AHCYL2: variants seen among roughly 807,000 people sequenced by gnomAD.
AHCYL2 encodes S-adenosylhomocysteine hydrolase-like protein 2.
A neutral mutation model predicts 81.4 loss-of-function variants in AHCYL2; 28 were observed. That is an observed-to-expected ratio of 0.34 (90% CI 0.25 to 0.47). AHCYL2 has a LOEUF of 0.47. Ranked by LOEUF, AHCYL2 falls within the 20% of genes least tolerant of loss-of-function variation. The pLI, the probability that AHCYL2 is intolerant of heterozygous loss-of-function variation, is 1.00. For missense variants in AHCYL2, 551 were observed against 785.1 expected (o/e 0.70, Z 3.56); for synonymous variants, 272 against 290.2 (o/e 0.94, Z 0.64).
intron 1 of AHCYL2, among the ~76,000 whole-genome samples, chr7:129,246,167 T>G (rs1018783707): frequency 2.0e-5 from 3 of 152,084 alleles, no homozygotes; most frequent in Admixed American, 2.0e-4. Flanking sequence ...CAAGTGATTC[T>G]CTTGCCTCAG....
chr7:129,352,433 A>C (rs913356312), intron 1 of AHCYL2, among the ~76,000 whole-genome samples: 2 of 152,016 alleles, frequency 1.3e-5, no homozygotes, highest in Non-Finnish European at 2.9e-5. Flanking sequence ...CTACCTATCT[A>C]TATATATACT....
chr7:129,286,569 T>C (rs1490474873), intron 1 of AHCYL2, among the ~76,000 whole-genome samples: 10 of 152,174 alleles, frequency 6.6e-5, no homozygotes, highest in Non-Finnish European at 2.9e-5. Flanking sequence ...CAAGTGATCC[T>C]CCTGCCTCAG....
chr7:129,395,348 C>T (rs780908952), intron 4 of AHCYL2, among the ~76,000 whole-genome samples: 5 of 152,190 alleles, frequency 3.3e-5, no homozygotes, highest in Non-Finnish European at 5.9e-5. Context: ...ATCTCTGGTG[C>T]AGTCTCAGTC....
rs139739420 is a variant in AHCYL2, at chr7:129,405,012, C to G, written c.1026-85C>G. Reference sequence around the variant, plus strand: ...TCTCATGGTCTCATGCCTACCCAATCAACGTATTTCTGGGGCCTCCTATGA... The same window carrying G: ...TCTCATGGTCTCATGCCTACCCAATGAACGTATTTCTGGGGCCTCCTATGA... On this transcript the variant is annotated intron_variant, in intron 7 of 16. Coordinates refer to ENST00000325006, the MANE Select transcript of AHCYL2 (RefSeq NM_015328.4). The G allele has an allele frequency of 2.1e-5, 16 of 769,760 alleles. No individual in the cohort carries two copies. The East Asian group carries it at 4.3e-4, about 21-fold the overall frequency. 47.7% of individuals were successfully genotyped at this position (769,760 alleles called of 1,614,324 possible).
chr7:129,262,032 T>A (rs1795660848), intron 1 of AHCYL2, among the ~76,000 whole-genome samples: 1 of 152,034 alleles, frequency 6.6e-6, no homozygotes, highest in South Asian at 2.1e-4. Context: ...GCATATAACA[T>A]CACTGAAAAA....
chr7:129,292,671 G>A (rs746127705), intron 1 of AHCYL2, among the ~76,000 whole-genome samples: 3 of 152,032 alleles, frequency 2.0e-5, no homozygotes, highest in Non-Finnish European at 2.9e-5. Flanking sequence ...GGAGGCTGAG[G>A]CAGGAGAATT....
At chr7:129,232,545 C>T (rs1284024755) in intron 1 of AHCYL2, among the ~76,000 whole-genome samples, 2 of 152,218 alleles carry the variant, frequency 1.3e-5, no homozygotes, top group African/African-American at 2.4e-5. Flanking sequence ...CTGTTTGTTT[C>T]AGTCACTACC....
intron 1 of AHCYL2, among the ~76,000 whole-genome samples, chr7:129,319,813 G>A (rs568210260): frequency 6.6e-6 from 1 of 152,230 alleles, no homozygotes; most frequent in East Asian, 1.9e-4. Context: ...GTTTACTGTT[G>A]ATGGACATTT....
intron 2 of AHCYL2, among the ~76,000 whole-genome samples, chr7:129,382,681 G>A (rs955988100): frequency 3.3e-5 from 5 of 151,900 alleles, no homozygotes; most frequent in East Asian, 1.9e-4. Flanking sequence ...TGAGGTCGGC[G>A]AATCACCTGA....
chr7:129,405,782 T>A, intron 8 of AHCYL2, 54 bp from the exon 9 acceptor site: 2 of 1,543,312 alleles, frequency 1.3e-6, no homozygotes, highest in Admixed American at 3.5e-5. Flanking sequence ...CAATCTAACC[T>A]CAAGGGAGAA....
intron 1 of AHCYL2, among the ~76,000 whole-genome samples, chr7:129,314,386 C>T (rs1797763333): frequency 6.6e-6 from 1 of 152,140 alleles, no homozygotes; most frequent in Non-Finnish European, 1.5e-5. Context: ...TGTTTTTGTG[C>T]ATTGCCTAGC....
chr7:129,273,808 G>A (rs956389245), intron 1 of AHCYL2, among the ~76,000 whole-genome samples: 1 of 152,138 alleles, frequency 6.6e-6, no homozygotes, highest in African/African-American at 2.4e-5. Context: ...AGGTGGATGT[G>A]GCTTTTGTCT....
chr7:129,272,806 C>G (rs1796066208), intron 1 of AHCYL2, among the ~76,000 whole-genome samples: 1 of 152,032 alleles, frequency 6.6e-6, no homozygotes, highest in Non-Finnish European at 1.5e-5. Flanking sequence ...AGTTTTAAAA[C>G]AGAACTTAGA....
At chr7:129,395,782 A>AC (rs1410806369) in intron 4 of AHCYL2, among the ~76,000 whole-genome samples, 1 of 152,168 alleles carries the variant, frequency 6.6e-6, no homozygotes, top group Non-Finnish European at 1.5e-5. Context: ...CCTCTGGAAA[A>AC]CAGCCTGCAT....
chr7:129,241,760 C>T (rs968827623), intron 1 of AHCYL2, among the ~76,000 whole-genome samples: 3 of 152,044 alleles, frequency 2.0e-5, no homozygotes, highest in South Asian at 2.1e-4. Context: ...CAGTGGCTCA[C>T]GTCTGTAATC....
At chr7:129,249,073 C>G (rs1795158234) in intron 1 of AHCYL2, among the ~76,000 whole-genome samples, 2 of 149,434 alleles carry the variant, frequency 1.3e-5, no homozygotes, top group Non-Finnish European at 3.0e-5. Context: ...TCTTGGCTCA[C>G]TGCAGCCTCA....
At chr7:129,338,036 G>A (rs183071657) in intron 1 of AHCYL2, among the ~76,000 whole-genome samples, 92 of 152,256 alleles carry the variant, frequency 6.0e-4, no homozygotes, top group African/African-American at 2.0e-3. Flanking sequence ...GAGCCACCGC[G>A]CCTGGCCAGT....
intron 1 of AHCYL2, among the ~76,000 whole-genome samples, chr7:129,296,548 A>T (rs922059349): frequency 3.3e-5 from 5 of 152,056 alleles, no homozygotes; most frequent in African/African-American, 7.2e-5. Flanking sequence ...ATCTCTACTT[A>T]AAAAAATTAA....
At position 129,291,704 on chromosome 7, in the gene AHCYL2, G is replaced by A. The variant is rs1290196342; in HGVS notation, c.363+66265G>A. 1.9e-4 allele frequency among the ~76,000 whole-genome samples: 3 copies of A among 15,850 alleles called. No homozygotes were observed. The Non-Finnish European group carries it at 0.016, about 87-fold the overall frequency. The allele number at this position is 15,850 out of a possible 152,430, so 10.4% of individuals were successfully genotyped here. A position where few individuals can be genotyped will look rare whatever the true frequency, so the allele number is the denominator to read the frequency against. ...TGGAAGCCCCACCTCCCAGGTTCAC[G>A]CCGTTCTTCGCCTCAGCCTCCCGAG... is the stretch of plus-strand genomic sequence containing the variant. On this transcript the variant is annotated intron_variant, in intron 1 of 16. Coordinates refer to ENST00000325006, the MANE Select transcript of AHCYL2 (RefSeq NM_015328.4).
Sources: gnomAD v4.1 joint callset for allele counts (sites outside exome capture counted in the v4.1 genomes callset) on GRCh38, gnomAD v4.1.1 for gene constraint, MANE v1.5 for transcripts, NCBI Gene and HGNC (gene_info 2026-07-23, HGNC 2026-07-21) for gene names.